The following GPR55 variants were observed in gnomAD, a reference collection of about 807,000 sequenced individuals.
GPR55 encodes G-protein coupled receptor 55.
In GPR55, 6 loss-of-function variants were observed where a neutral mutation model predicts 7.9. The ratio of observed to expected loss-of-function variants is 0.76; its 90% CI spans 0.41 to 1.49. The LOEUF (loss-of-function observed/expected upper bound fraction) is 1.49, where lower values mean the gene tolerates loss of function less well. Ranked by LOEUF, GPR55 falls within the 40% of genes most tolerant of loss-of-function variation. The probability of loss-of-function intolerance (pLI) is 0.01; values close to 1 mark genes in which losing one functional copy is unlikely to be tolerated. For missense variants in GPR55, 376 were observed against 406.0 expected (o/e 0.93, Z 0.63); for synonymous variants, 183 against 166.8 (o/e 1.10, Z -0.75).
chr2:230,959,925 A>G (rs575779882), intron 1 of GPR55, among the ~76,000 whole-genome samples: 30 of 152,228 alleles, frequency 2.0e-4, no homozygotes, highest in Non-Finnish European at 4.1e-4. Flanking sequence ...TTAAAGAGAA[A>G]TAGGGGTTTG....
intron 1 of GPR55, among the ~76,000 whole-genome samples, chr2:230,920,484 T>A (rs1690807978): frequency 6.6e-6 from 1 of 152,038 alleles, no homozygotes; most frequent in Non-Finnish European, 1.5e-5. Flanking sequence ...TGATTCATGA[T>A]TTTTTTAAAA....
chr2:230,958,536 A>G (rs1009317582), intron 1 of GPR55, among the ~76,000 whole-genome samples: 2 of 152,134 alleles, frequency 1.3e-5, no homozygotes, highest in African/African-American at 4.8e-5. Flanking sequence ...TCCCTCTGAC[A>G]GTGCCCCCAC....
At chr2:230,921,315 G>C (rs1325444388) in intron 1 of GPR55, among the ~76,000 whole-genome samples, 1 of 152,128 alleles carries the variant, frequency 6.6e-6, no homozygotes, top group East Asian at 1.9e-4. Flanking sequence ...AACTAATAAG[G>C]TAGACTAGCA....
Position 230,937,731 on chromosome 2 carries a change from A to C in GPR55, c.-135+23044T>G, listed in dbSNP as rs575537498. Among the ~76,000 whole-genome samples, 25 of 152,304 alleles carry C rather than the reference A, an allele frequency of 1.6e-4. No homozygotes were observed. In the South Asian group the frequency reaches 5.2e-3, roughly 32 times the overall value. ...ATAGAAAAAAGTCTTGCCCTGGCTC[A>C]TTCAAAAAGACAAGTAGTAGAGACC... On this transcript the variant is annotated intron_variant, in intron 1 of 1. Transcript: ENST00000392039.
intron 1 of GPR55, among the ~76,000 whole-genome samples, chr2:230,951,040 T>C (rs754724461): frequency 6.6e-6 from 1 of 152,172 alleles, no homozygotes; most frequent in Non-Finnish European, 1.5e-5. Flanking sequence ...TAACATCCTT[T>C]AGAATCAACG....
In GPR55 at chr2:230,954,368, C is replaced by T. The variant is rs190776458; in HGVS notation, c.-135+6407G>A. Among the ~76,000 whole-genome samples, 113 of 152,362 alleles carry T rather than the reference C, an allele frequency of 7.4e-4. 1 individual carries two copies. Among genetic ancestry groups the T allele is most frequent in the Middle Eastern group, 3.4e-3 (1 of 294 alleles). ...GTCCTGAAGAGGACTCGGCTTAACT[C>T]TCTTCTAGTTCATTTTCTGTTGGAT... On this transcript the variant is annotated intron_variant, in intron 1 of 1. Coordinates refer to the GPR55 transcript ENST00000392039.
At chr2:230,960,139 C>T (rs1464634191) in intron 1 of GPR55, among the ~76,000 whole-genome samples, 1 of 152,202 alleles carries the variant, frequency 6.6e-6, no homozygotes, top group African/African-American at 2.4e-5. Context: ...GACCCGTTGT[C>T]CCAGAGCCTT....
intron 1 of GPR55, among the ~76,000 whole-genome samples, chr2:230,953,273 G>A (rs1401806261): frequency 6.6e-6 from 1 of 152,204 alleles, no homozygotes; most frequent in Non-Finnish European, 1.5e-5. Context: ...AAATTACATG[G>A]CAAATTAAGG....
intron 1 of GPR55, among the ~76,000 whole-genome samples, chr2:230,936,311 A>G (rs1691130268): frequency 6.6e-6 from 1 of 152,142 alleles, no homozygotes; most frequent in Admixed American, 6.5e-5. Flanking sequence ...ATGTCGTAGG[A>G]TCGTAGGAGG....
chr2:230,915,337 T>C (rs1277293778), intron 1 of GPR55, among the ~76,000 whole-genome samples: 1 of 152,170 alleles, frequency 6.6e-6, no homozygotes. Flanking sequence ...TGTTCTCAGT[T>C]TCCACCCCAG....
chr2:230,960,808 A>G (rs537470859), exon 1 of GPR55: 1 of 152,334 alleles, frequency 6.6e-6, no homozygotes, highest in African/African-American at 2.4e-5. Context: ...GGAGCCGGCA[A>G]CTTGTAGGAG....
intron 1 of GPR55, chr2:230,957,751 A>G (rs1691514721): frequency 1.8e-6 from 1 of 551,560 alleles, no homozygotes; most frequent in African/African-American, 1.9e-5. Flanking sequence ...TTTGTTAACT[A>G]GTAGAATTAG....
chr2:230,947,267 G>A lies in GPR55; in HGVS notation c.-135+13508C>T, dbSNP rs568174328. ...GGGCGATCTTACTGAAGTTGGTTAG[G>A]TGTGCTGCAGCAGCAAAGCTGGAGC... is the stretch of plus-strand genomic sequence containing the variant. On this transcript the variant is annotated intron_variant, in intron 1 of 1. Coordinates refer to the GPR55 transcript ENST00000392039. 4.6e-4 allele frequency among the ~76,000 whole-genome samples: 70 copies of A among 152,304 alleles called. No homozygotes were observed. The South Asian group carries it at 0.014, about 30-fold the overall frequency.
chr2:230,960,989 G>A (rs1348305944), exon 1 of GPR55: 1 of 152,208 alleles, frequency 6.6e-6, no homozygotes, highest in Non-Finnish European at 1.5e-5. Context: ...CCAGGCTTCA[G>A]GCAACAGGAG....
chr2:230,960,956 C>T lies in GPR55; in HGVS notation c.-316G>A, dbSNP rs574226692. 7 of 152,314 alleles carry T rather than the reference C, an allele frequency of 4.6e-5. No homozygotes were observed. In the South Asian group the frequency reaches 1.5e-3, roughly 32 times the overall value. The allele number at this position is 152,314 out of a possible 1,614,324, so 9.4% of individuals were successfully genotyped here. A position where few individuals can be genotyped will look rare whatever the true frequency, so the allele number is the denominator to read the frequency against. On this transcript the variant is annotated 5_prime_UTR_variant, in exon 1 of 2. Coordinates refer to the GPR55 transcript ENST00000392039. ...CTCCAGGAAGGTCACCAGTTTCTCA[C>T]TGTGAAGACAGGAGAAAAATCCCCA... is the stretch of plus-strand genomic sequence containing the variant.
At chr2:230,942,231 G>T (rs1038800899) in intron 1 of GPR55, among the ~76,000 whole-genome samples, 2 of 152,206 alleles carry the variant, frequency 1.3e-5, no homozygotes, top group African/African-American at 4.8e-5. Flanking sequence ...CCCTGAGAAT[G>T]CCAGAAGATC....
intron 1 of GPR55, among the ~76,000 whole-genome samples, chr2:230,943,539 C>T (rs148771270): frequency 4.8e-4 from 73 of 152,322 alleles, no homozygotes; most frequent in Non-Finnish European, 8.8e-4. Context: ...GAGTAGGTCA[C>T]GGAGCAAGAG....
chr2:230,946,491 A>T (rs542865141), intron 1 of GPR55, among the ~76,000 whole-genome samples: 22 of 152,316 alleles, frequency 1.4e-4, no homozygotes, highest in Middle Eastern at 3.4e-3. Flanking sequence ...CACATATCCA[A>T]TTTTTGTCAC....
intron 1 of GPR55, among the ~76,000 whole-genome samples, chr2:230,947,736 A>G (rs1477278226): frequency 3.3e-5 from 5 of 151,986 alleles, no homozygotes; most frequent in Non-Finnish European, 1.5e-5. Flanking sequence ...TCCTGGGCTC[A>G]AGCAATCTTC....
Sources: allele counts gnomAD v4.1 joint callset (sites outside exome capture counted in the v4.1 genomes callset), GRCh38; gene constraint gnomAD v4.1.1; transcripts MANE v1.5; gene names NCBI Gene and HGNC (gene_info 2026-07-23, HGNC 2026-07-21).